The following CALN1 variants were observed in gnomAD, a reference collection of about 807,000 sequenced individuals.
The protein encoded by CALN1 is calcium-binding protein 8.
CALN1 carries 17 observed loss-of-function variants against 30.6 expected under a neutral mutation model. The observed-to-expected ratio is 0.56, with a 90% CI of 0.38 to 0.83. The LOEUF (loss-of-function observed/expected upper bound fraction) is 0.83. Ranked by LOEUF, CALN1 falls within the 40% of genes least tolerant of loss-of-function variation. CALN1 has a pLI of 0.00. For synonymous variants in CALN1, 156 were observed against 131.4 expected, an observed-to-expected ratio of 1.19 and a Z score of -1.28; for missense variants, 291 against 354.9, an observed-to-expected ratio of 0.82 and a Z score of 1.45.
chr7:71,820,863 C>T (rs529953836), intron 5 of CALN1, among the ~76,000 whole-genome samples: 1 of 152,282 alleles, frequency 6.6e-6, no homozygotes, highest in Non-Finnish European at 1.5e-5. Flanking sequence ...GATTCTGAGA[C>T]TGAAGTAGGC....
intron 3 of CALN1, among the ~76,000 whole-genome samples, chr7:72,160,186 T>C (rs1455560895): frequency 6.6e-6 from 1 of 152,082 alleles, no homozygotes; most frequent in Non-Finnish European, 1.5e-5. Flanking sequence ...TGCCATAAAA[T>C]ATGACTCCCT....
At chr7:72,403,687 A>G (rs180817490) in intron 1 of CALN1, among the ~76,000 whole-genome samples, 1 of 152,294 alleles carries the variant, frequency 6.6e-6, no homozygotes, top group Non-Finnish European at 1.5e-5. Flanking sequence ...CAACCTTAAT[A>G]TTTACAGGTA....
intron 5 of CALN1, among the ~76,000 whole-genome samples, chr7:71,893,401 T>G (rs192715148): frequency 4.9e-4 from 75 of 152,218 alleles, no homozygotes; most frequent in Middle Eastern, 3.4e-3. Context: ...AATAAGGTGC[T>G]TTTGGCCAGG....
At chr7:71,857,535 C>A (rs929211415) in intron 5 of CALN1, among the ~76,000 whole-genome samples, 5 of 152,096 alleles carry the variant, frequency 3.3e-5, no homozygotes, top group Non-Finnish European at 7.4e-5. Flanking sequence ...GATTTACCCA[C>A]ATCCATCCTT....
chr7:71,852,492 ATCT>A (rs1790707560), intron 5 of CALN1, among the ~76,000 whole-genome samples: 1 of 150,342 alleles, frequency 6.7e-6, no homozygotes, highest in Non-Finnish European at 1.5e-5. Context: ...AAAAAAAAAA[ATCT>A]TAGCTGAAGT....
intron 2 of CALN1, among the ~76,000 whole-genome samples, chr7:72,363,127 C>A (rs1372670348): frequency 6.6e-6 from 1 of 152,156 alleles, no homozygotes; most frequent in Non-Finnish European, 1.5e-5. Context: ...ATTTCATCAC[C>A]CAGGTATTAA....
intron 4 of CALN1, among the ~76,000 whole-genome samples, chr7:72,054,012 T>C (rs1803013861): frequency 6.6e-6 from 1 of 152,166 alleles, no homozygotes; most frequent in African/African-American, 2.4e-5. Context: ...TATATATAGA[T>C]ATATACCACA....
In CALN1 at chr7:72,017,162, T is replaced by G. The variant is rs752464500; in HGVS notation, c.501+6495A>C. Among the ~76,000 whole-genome samples, 168 of 105,868 alleles carry G rather than the reference T, an allele frequency of 1.6e-3. 9 individuals are homozygous for G. Among genetic ancestry groups the G allele is most frequent in the Non-Finnish European group, 5.6e-4 (33 of 58,508 alleles). The allele number at this position is 105,868 out of a possible 152,430, so 69.5% of individuals were successfully genotyped here. A position where few individuals can be genotyped will look rare whatever the true frequency, so the allele number is the denominator to read the frequency against. ...CTGGGCAACAGAGAGAGACTCTGTC[T>G]CAAAAATTAAAAAAAAAAAAAAAAA... is the stretch of plus-strand genomic sequence containing the variant. On this transcript the variant is annotated intron_variant, in intron 5 of 6. Transcript: ENST00000395275.
At chr7:72,267,436 AAT>A (rs1796672701) in intron 3 of CALN1, among the ~76,000 whole-genome samples, 1 of 152,298 alleles carries the variant, frequency 6.6e-6, no homozygotes, top group South Asian at 2.1e-4. Context: ...GAGCTTTAAA[AAT>A]ATCTCTCCAC....
At position 71,903,743 on chromosome 7, in the gene CALN1, A is replaced by C. The variant is rs545147026; in HGVS notation, c.502-93251T>G. The stretch of plus-strand genomic sequence containing the variant: ...CTAAAAAGTTTTATACAGGAAAGGA[A>C]ACAACAGAGTGACAAGACAACCTAC... On this transcript the variant is annotated intron_variant, in intron 5 of 6. Transcript: ENST00000395275. Among the ~76,000 whole-genome samples, 3 of 152,338 alleles carry C rather than the reference A, an allele frequency of 2.0e-5. No individual in the cohort carries two copies. In the South Asian group the frequency reaches 6.2e-4, roughly 32 times the overall value.
intron 2 of CALN1, among the ~76,000 whole-genome samples, chr7:72,312,001 C>T (rs770036535): frequency 6.6e-5 from 10 of 152,062 alleles, no homozygotes; most frequent in Non-Finnish European, 1.0e-4. Context: ...CTGCCACAGG[C>T]GCCACTTCCA....
chr7:72,051,515 T>C (rs1030637288), intron 4 of CALN1, among the ~76,000 whole-genome samples: 5 of 152,204 alleles, frequency 3.3e-5, no homozygotes, highest in African/African-American at 1.2e-4. Flanking sequence ...CTGAGTTTTT[T>C]CCTGTTGTTG....
intron 1 of CALN1, among the ~76,000 whole-genome samples, chr7:72,425,272 C>T (rs1807765699): frequency 6.6e-6 from 1 of 152,168 alleles, no homozygotes; most frequent in Admixed American, 6.5e-5. Flanking sequence ...TGCCACCACA[C>T]CCAGCTAATT....
intron 3 of CALN1, among the ~76,000 whole-genome samples, chr7:72,145,384 A>G (rs981620202): frequency 1.3e-5 from 2 of 152,370 alleles, no homozygotes; most frequent in African/African-American, 4.8e-5. Context: ...AAATCGATAA[A>G]TTCCTTGACA....
chr7:72,256,577 A>C (rs1358689984), intron 3 of CALN1, among the ~76,000 whole-genome samples: 1 of 151,074 alleles, frequency 6.6e-6, no homozygotes, highest in Non-Finnish European at 1.5e-5. Context: ...AATATCCTTC[A>C]CACTTTCCAG....
chr7:71,851,252 C>CACACACA (rs1491431075), intron 5 of CALN1, among the ~76,000 whole-genome samples: 6 of 149,468 alleles, frequency 4.0e-5, no homozygotes, highest in African/African-American at 1.5e-4. Flanking sequence ...CACACACACA[C>CACACACA]ATCACACATA....
At chr7:71,894,195 A>G (rs1415705323) in intron 5 of CALN1, among the ~76,000 whole-genome samples, 2 of 152,112 alleles carry the variant, frequency 1.3e-5, no homozygotes, top group African/African-American at 2.4e-5. Flanking sequence ...AAACGGGTTT[A>G]ATTCTGGACC....
chr7:72,168,869 C>T (rs1433033924), intron 3 of CALN1, among the ~76,000 whole-genome samples: 9 of 145,910 alleles, frequency 6.2e-5, no homozygotes, highest in Non-Finnish European at 1.2e-4. Context: ...GCAGTGATGA[C>T]ACTGCGGCTC....
intron 3 of CALN1, among the ~76,000 whole-genome samples, chr7:72,263,387 T>C (rs891277823): frequency 1.3e-5 from 2 of 152,040 alleles, no homozygotes; most frequent in African/African-American, 2.4e-5. Flanking sequence ...CATTTTTATT[T>C]TATTTTATTT....
Sources: gnomAD v4.1 joint callset for allele counts (sites outside exome capture counted in the v4.1 genomes callset) on GRCh38, gnomAD v4.1.1 for gene constraint, MANE v1.5 for transcripts, NCBI Gene and HGNC (gene_info 2026-07-23, HGNC 2026-07-21) for gene names.